The following NRXN3 variants were observed in gnomAD, a reference collection of about 807,000 sequenced individuals.
The protein encoded by NRXN3 is neurexin 3, also known as neurexin III.
NRXN3 carries 32 observed loss-of-function variants against 137.6 expected under a neutral mutation model. That is an observed-to-expected ratio of 0.23 (90% CI 0.18 to 0.31). The LOEUF is 0.31. NRXN3 is among the 10% of genes least tolerant of loss of function. NRXN3 has a pLI of 1.00. For missense variants in NRXN3, 1,574 were observed against 2,062.5 expected, an observed-to-expected ratio of 0.76 and a Z score of 4.59; for synonymous variants, 798 against 784.5, an observed-to-expected ratio of 1.02 and a Z score of -0.29.
At chr14:78,926,227 C>T (rs924561378) in intron 10 of NRXN3, among the ~76,000 whole-genome samples, 2 of 151,976 alleles carry the variant, frequency 1.3e-5, no homozygotes, top group Non-Finnish European at 2.9e-5. Context: ...GTTTTTCCTA[C>T]ATATACCTAT....
chr14:78,789,473 G>A lies in NRXN3; in HGVS notation c.2045-14147G>A, dbSNP rs117301248. ...CCGCTAGATATCCCACAATACACAG[G>A]ATAGCCTTTGCAACCAAGAGTTATC... is the stretch of plus-strand genomic sequence containing the variant. On this transcript the variant is annotated intron_variant, in intron 8 of 20. Coordinates refer to ENST00000335750, the MANE Select transcript of NRXN3 (RefSeq NM_001330195.2). 7.6e-4 allele frequency among the ~76,000 whole-genome samples: 115 copies of A among 152,208 alleles called. No homozygotes were observed. The East Asian group carries it at 0.019, about 26-fold the overall frequency.
At chr14:78,786,322 C>T (rs1595854450) in intron 8 of NRXN3, among the ~76,000 whole-genome samples, 1 of 152,056 alleles carries the variant, frequency 6.6e-6, no homozygotes, top group East Asian at 1.9e-4. Flanking sequence ...CTGAGGTTGG[C>T]CAGAGGGTTG....
intron 4 of NRXN3, among the ~76,000 whole-genome samples, chr14:78,472,482 G>C (rs1266073859): frequency 6.6e-6 from 1 of 152,158 alleles, no homozygotes; most frequent in African/African-American, 2.4e-5. Context: ...ACCCTCCTGG[G>C]CTTCCTCTGG....
chr14:79,854,212 G>T, intron 20 of NRXN3: 1 of 916,914 alleles, frequency 1.1e-6, no homozygotes. Flanking sequence ...CGGGCAATTT[G>T]TTGATGTAAG....
chr14:79,355,252 CCCCA>C (rs2093377936), intron 15 of NRXN3, among the ~76,000 whole-genome samples: 1 of 144,186 alleles, frequency 6.9e-6, no homozygotes, highest in African/African-American at 2.9e-5. Context: ...CTTTTCTGTC[CCCCA>C]CCCCCTTCCT....
chr14:78,926,723 A>C (rs1480589912), intron 10 of NRXN3, among the ~76,000 whole-genome samples: 6 of 83,750 alleles, frequency 7.2e-5, no homozygotes, highest in African/African-American at 1.9e-4. Context: ...TTATATAATT[A>C]TATATAATAT....
intron 10 of NRXN3, among the ~76,000 whole-genome samples, chr14:78,818,744 T>C (rs1191025904): frequency 6.6e-6 from 1 of 152,158 alleles, no homozygotes; most frequent in Non-Finnish European, 1.5e-5. Flanking sequence ...GAGCTGAGTG[T>C]CATTTTAGGA....
At chr14:78,381,752 A>C (rs1240427943) in intron 4 of NRXN3, among the ~76,000 whole-genome samples, 1 of 152,248 alleles carries the variant, frequency 6.6e-6, no homozygotes, top group Non-Finnish European at 1.5e-5. Flanking sequence ...GCCAGTAATC[A>C]AAAGGGTTAA....
chr14:79,782,373 C>A (rs1034240534), intron 19 of NRXN3, among the ~76,000 whole-genome samples: 4 of 152,140 alleles, frequency 2.6e-5, no homozygotes, highest in Non-Finnish European at 5.9e-5. Flanking sequence ...GTCTTTGTCA[C>A]AACTAAGAGT....
At position 79,551,767 on chromosome 14, in the gene NRXN3, G is replaced by C. The variant is rs375440543; in HGVS notation, c.3444+84365G>C. Among the ~76,000 whole-genome samples, 37 of 152,318 alleles carry C rather than the reference G, an allele frequency of 2.4e-4. No homozygotes were observed. The South Asian group carries it at 7.5e-3, about 31-fold the overall frequency. ...ACACCCTGGGAAGTACAGGGAGCAGGTAAGTTGTTTTGCTAATACATCCCT... is the reference window on the plus strand; with the variant it reads ...ACACCCTGGGAAGTACAGGGAGCAGCTAAGTTGTTTTGCTAATACATCCCT... On this transcript the variant is annotated intron_variant, in intron 16 of 20. Transcript: ENST00000335750.
intron 19 of NRXN3, among the ~76,000 whole-genome samples, chr14:79,748,984 G>A (rs991515856): frequency 5.3e-5 from 8 of 152,102 alleles, no homozygotes; most frequent in Non-Finnish European, 7.4e-5. Flanking sequence ...CTCCTGGTCC[G>A]AAAGAAGCTG....
At chr14:78,546,769 C>T (rs1475755212) in intron 4 of NRXN3, among the ~76,000 whole-genome samples, 1 of 152,166 alleles carries the variant, frequency 6.6e-6, no homozygotes, top group African/African-American at 2.4e-5. Context: ...TATATAGGCA[C>T]TTTCCACATA....
At chr14:78,405,209 C>T (rs903899913) in intron 4 of NRXN3, among the ~76,000 whole-genome samples, 1 of 152,028 alleles carries the variant, frequency 6.6e-6, no homozygotes, top group African/African-American at 2.4e-5. Context: ...ATGTTCTGGC[C>T]CTGCTGTGGG....
At chr14:79,476,669 C>T (rs952794690) in intron 16 of NRXN3, among the ~76,000 whole-genome samples, 9 of 152,050 alleles carry the variant, frequency 5.9e-5, no homozygotes, top group African/African-American at 2.2e-4. Context: ...TATCACTTTC[C>T]GCTAATATTG....
chr14:78,397,327 G>A (rs548426327), intron 4 of NRXN3, among the ~76,000 whole-genome samples: 3 of 151,690 alleles, frequency 2.0e-5, no homozygotes, highest in African/African-American at 7.3e-5. Flanking sequence ...ATAGTCCACA[G>A]ACCCTGTGGC....
chr14:79,853,184 A>G (rs1020811810), intron 20 of NRXN3, among the ~76,000 whole-genome samples: 1 of 152,126 alleles, frequency 6.6e-6, no homozygotes, highest in Non-Finnish European at 1.5e-5. Context: ...GTGCGTCTCA[A>G]TCACCTCTGT....
At chr14:79,069,990 T>C (rs558432559) in intron 15 of NRXN3, among the ~76,000 whole-genome samples, 2 of 152,276 alleles carry the variant, frequency 1.3e-5, no homozygotes, top group Admixed American at 6.5e-5. Flanking sequence ...CATTTTTCCT[T>C]TTTACCTTTC....
At chr14:79,613,071 G>A (rs2098120941) in intron 16 of NRXN3, among the ~76,000 whole-genome samples, 1 of 152,162 alleles carries the variant, frequency 6.6e-6, no homozygotes, top group African/African-American at 2.4e-5. Context: ...TGACTCAGTT[G>A]CAAAGGACAT....
chr14:78,605,931 G>C lies in NRXN3; in HGVS notation c.758-39189G>C, dbSNP rs115035490. On this transcript the variant is annotated intron_variant, in intron 4 of 20. Transcript: ENST00000335750. ...ATATGGTGTCTTCATGTGATTATAA[G>C]TGTGCGAGTGTGTATACATGTTTTT... Among the ~76,000 whole-genome samples, 627 of 152,234 alleles carry C rather than the reference G, an allele frequency of 4.1e-3. 7 individuals carry two copies. Among genetic ancestry groups the C allele is most frequent in the African/African-American group, 0.015 (603 of 41,530 alleles).
Sources: allele counts gnomAD v4.1 joint callset (sites outside exome capture counted in the v4.1 genomes callset), GRCh38; gene constraint gnomAD v4.1.1; transcripts MANE v1.5; gene names NCBI Gene and HGNC (gene_info 2026-07-23, HGNC 2026-07-21).